EYS: variants seen among roughly 807,000 people sequenced by gnomAD.
The protein encoded by EYS is protein eyes shut homolog.
EYS carries 250 observed loss-of-function variants against 282.1 expected under a neutral mutation model. The ratio of observed to expected loss-of-function variants is 0.89; its 90% CI spans 0.80 to 0.98. EYS has a LOEUF of 0.98. Among genes scored for constraint, EYS ranks in the 50% least tolerant of loss-of-function variants. EYS has a pLI of 0.00. For missense variants in EYS, 4,016 were observed against 3,709.0 expected, an observed-to-expected ratio of 1.08 and a Z score of -2.15; for synonymous variants, 1,355 against 1,282.9, an observed-to-expected ratio of 1.06 and a Z score of -1.20.
rs749379421 is a variant in EYS at position 64,593,100 on chromosome 6, T to C, written c.3877+17A>G. On this transcript the variant is annotated intron_variant, in intron 25 of 42. Transcript: ENST00000503581. ...TTCAAACTCAAACTTCTTAATATCT[T>C]ACCCACTTCTACTTACCTTGATCAA... 4.9e-4 allele frequency: 698 copies of C among 1,426,270 alleles called. 4 individuals carry two copies. The highest frequency in any genetic ancestry group is 1.2e-4 in the Non-Finnish European group (125 of 1,079,396). The allele number at this position is 1,426,270 out of a possible 1,614,324, so 88.4% of individuals were successfully genotyped here. A position where few individuals can be genotyped will look rare whatever the true frequency, so the allele number is the denominator to read the frequency against.
chr6:65,432,122 G>C (rs2150384960), intron 5 of EYS, among the ~76,000 whole-genome samples: 1 of 152,198 alleles, frequency 6.6e-6, no homozygotes, highest in East Asian at 1.9e-4. Context: ...TTTGTAGATA[G>C]AACATTAGAG....
At chr6:64,250,433 T>C (rs1767172696) in intron 30 of EYS, among the ~76,000 whole-genome samples, 1 of 152,192 alleles carries the variant, frequency 6.6e-6, no homozygotes, top group African/African-American at 2.4e-5. Flanking sequence ...GAGAAAACCT[T>C]ACAGCTATTA....
chr6:64,617,514 A>G lies in EYS; in HGVS notation c.3588T>C (p.Cys1196=), dbSNP rs1213672224. ...KCQPGWSGHH[C]ENELECIPNS... is the part of the protein sequence containing the mutation. The stretch of plus-strand genomic sequence containing the variant: ...TGGGAATGCACTCAAGCTCATTCTC[A>G]CAGTGGTGTCCAGACCATCCTGTTC... Residue 1196 remains cysteine (C), a synonymous_variant, in exon 24 of 43, where the codon TGT becomes TGC. Coordinates refer to ENST00000503581, the MANE Select transcript of EYS (RefSeq NM_001142800.2). 1.9e-6 allele frequency: 3 copies of G among 1,548,476 alleles called. No individual in the cohort carries two copies. Among genetic ancestry groups the G allele is most frequent in the Non-Finnish European group, 2.6e-6 (3 of 1,144,334 alleles).
At chr6:63,800,433 C>G (rs1340404646) in intron 37 of EYS, among the ~76,000 whole-genome samples, 1 of 152,128 alleles carries the variant, frequency 6.6e-6, no homozygotes, top group East Asian at 1.9e-4. Flanking sequence ...TTCTGGTTTG[C>G]AAGATATCCA....
At chr6:64,499,756 A>AT (rs1215850975) in intron 26 of EYS, among the ~76,000 whole-genome samples, 1 of 151,918 alleles carries the variant, frequency 6.6e-6, no homozygotes, top group African/African-American at 2.4e-5. Context: ...CATGTCTCTG[A>AT]TTTTGAGAAC....
At chr6:65,374,364 G>A (rs1194089459) in intron 8 of EYS, among the ~76,000 whole-genome samples, 1 of 152,050 alleles carries the variant, frequency 6.6e-6, no homozygotes, top group South Asian at 2.1e-4. Context: ...GGGCTATCTG[G>A]CCCAGATACT....
intron 22 of EYS, among the ~76,000 whole-genome samples, chr6:64,797,704 A>T (rs1415382917): frequency 6.6e-6 from 1 of 151,954 alleles, no homozygotes; most frequent in Non-Finnish European, 1.5e-5. Flanking sequence ...ATGTAAAAAT[A>T]TGTTTTTATT....
intron 36 of EYS, among the ~76,000 whole-genome samples, chr6:63,854,440 C>T (rs1380062406): frequency 6.6e-6 from 1 of 152,056 alleles, no homozygotes; most frequent in African/African-American, 2.4e-5. Flanking sequence ...ACATTACACA[C>T]CGAGGCCTAT....
chr6:64,903,980 A>C (rs1322129224), intron 16 of EYS, among the ~76,000 whole-genome samples: 1 of 152,214 alleles, frequency 6.6e-6, no homozygotes, highest in Non-Finnish European at 1.5e-5. Context: ...GAAAACAAAT[A>C]GCTAGAAGGT....
intron 31 of EYS, among the ~76,000 whole-genome samples, chr6:64,126,105 G>A (rs1773778037): frequency 6.6e-6 from 1 of 151,862 alleles, no homozygotes; most frequent in East Asian, 1.9e-4. Flanking sequence ...AGTTGTTGGT[G>A]GGACTATAAA....
At chr6:65,618,174 G>A in intron 2 of EYS, among the ~76,000 whole-genome samples, 1 of 152,154 alleles carries the variant, frequency 6.6e-6, no homozygotes, top group Admixed American at 6.6e-5. Context: ...CACCAACAGT[G>A]TAAAAGTGTT....
intron 12 of EYS, among the ~76,000 whole-genome samples, chr6:65,097,880 A>G (rs1774785173): frequency 6.6e-6 from 1 of 150,824 alleles, no homozygotes; most frequent in Admixed American, 6.6e-5. Flanking sequence ...TTGGGTAAAA[A>G]TTTCCGTTAT....
chr6:63,725,831 A>G (rs551634334), intron 42 of EYS, among the ~76,000 whole-genome samples: 1 of 152,280 alleles, frequency 6.6e-6, no homozygotes, highest in African/African-American at 2.4e-5. Flanking sequence ...CTCAATATCA[A>G]AATTGTTTCT....
At chr6:64,598,648 T>C (rs1206168045) in intron 24 of EYS, among the ~76,000 whole-genome samples, 2 of 152,226 alleles carry the variant, frequency 1.3e-5, no homozygotes, top group Non-Finnish European at 2.9e-5. Context: ...GGACATTGTA[T>C]AGCCCTCTAT....
rs78338019 is a variant in EYS at position 64,719,659 on chromosome 6, C to T, written c.3444-93414G>A. On this transcript the variant is annotated intron_variant, in intron 22 of 42. Transcript: ENST00000503581. ...AAACTTTGTTAAATATTTGTATATACTTCGGGAGGCTGAGGCAGGTGAATC... is the reference window on the plus strand; with the variant it reads ...AAACTTTGTTAAATATTTGTATATATTTCGGGAGGCTGAGGCAGGTGAATC... 6.5e-3 allele frequency among the ~76,000 whole-genome samples: 993 copies of T among 152,244 alleles called. 14 individuals carry two copies. The highest frequency in any genetic ancestry group is 0.023 in the African/African-American group (945 of 41,534).
intron 2 of EYS, among the ~76,000 whole-genome samples, chr6:65,505,985 A>G (rs950568405): frequency 1.5e-4 from 23 of 152,094 alleles, no homozygotes; most frequent in African/African-American, 5.3e-4. Flanking sequence ...TATTTAATGT[A>G]TCCAACCGTA....
intron 30 of EYS, among the ~76,000 whole-genome samples, chr6:64,273,774 T>C (rs2150358440): frequency 6.6e-6 from 1 of 152,318 alleles, no homozygotes; most frequent in African/African-American, 2.4e-5. Flanking sequence ...TGCTTTCTAT[T>C]TTTGTGCAGT....
At chr6:65,221,797 A>T (rs1358809260) in intron 12 of EYS, among the ~76,000 whole-genome samples, 3 of 152,182 alleles carry the variant, frequency 2.0e-5, no homozygotes, top group Non-Finnish European at 4.4e-5. Flanking sequence ...CCATGAAAGC[A>T]GCTTGGAGGG....
intron 1 of EYS, among the ~76,000 whole-genome samples, chr6:65,670,000 A>C (rs1768338383): frequency 6.6e-6 from 1 of 151,362 alleles, no homozygotes; most frequent in South Asian, 2.1e-4. Flanking sequence ...TGCCTCTCTG[A>C]CTCCTCCTCC....
Sources: allele counts gnomAD v4.1 joint callset (sites outside exome capture counted in the v4.1 genomes callset), GRCh38; gene constraint gnomAD v4.1.1; transcripts MANE v1.5; gene names NCBI Gene and HGNC (gene_info 2026-07-23, HGNC 2026-07-21).